Variants in SH2B2 observed in about 807,000 individuals in gnomAD.
SH2B2 encodes SH2B adaptor protein 2.
SH2B2 carries 37 observed loss-of-function variants against 35.7 expected under a neutral mutation model. The ratio of observed to expected loss-of-function variants is 1.04; its 90% confidence interval spans 0.80 to 1.36. The LOEUF (loss-of-function observed/expected upper bound fraction) is 1.36, where lower values mean the gene tolerates loss of function less well. Ranked by LOEUF, SH2B2 falls within the 40% of genes most tolerant of loss-of-function variation. The pLI is 0.00. For synonymous variants in SH2B2, 383 were observed against 376.4 expected, an observed-to-expected ratio of 1.02 and a Z score of -0.20; for missense variants, 852 against 817.7, an observed-to-expected ratio of 1.04 and a Z score of -0.51.
chr7:102,318,188 G>T (rs1164065941), intron 7 of SH2B2, among the ~76,000 whole-genome samples: 1 of 152,118 alleles, frequency 6.6e-6, no homozygotes, highest in African/African-American at 2.4e-5. Flanking sequence ...CTCCAGGCTG[G>T]ATTGCAACAT....
At chr7:102,292,285 C>G (rs1792701904) in intron 1 of SH2B2, among the ~76,000 whole-genome samples, 1 of 152,040 alleles carries the variant, frequency 6.6e-6, no homozygotes, top group Admixed American at 6.6e-5. Context: ...AATCCCAGCC[C>G]TTTGGGAAGC....
intron 6 of SH2B2, among the ~76,000 whole-genome samples, chr7:102,316,586 C>T (rs868925889): frequency 7.0e-6 from 1 of 142,872 alleles, no homozygotes; most frequent in East Asian, 2.1e-4. Context: ...GACTCTGTCT[C>T]AAACAAAAAA....
At chr7:102,303,931 C>T (rs1001273213) in intron 2 of SH2B2, among the ~76,000 whole-genome samples, 2 of 152,234 alleles carry the variant, frequency 1.3e-5, no homozygotes, top group Non-Finnish European at 1.5e-5. Context: ...CAGAGGGCAG[C>T]GTTCCTGCAG....
intron 2 of SH2B2, among the ~76,000 whole-genome samples, chr7:102,305,911 T>C (rs1331111273): frequency 1.4e-5 from 2 of 145,444 alleles, no homozygotes; most frequent in Non-Finnish European, 3.0e-5. Flanking sequence ...TTTTTTTTTT[T>C]TGAGGCATCG....
At chr7:102,314,824 C>G (rs1482105727) in intron 6 of SH2B2, 142 bp downstream of exon 6, 1 of 397,252 alleles carries the variant, frequency 2.5e-6, no homozygotes, top group South Asian at 1.4e-4. Context: ...CACACGTCTC[C>G]GAAGTACTTC....
intron 1 of SH2B2, among the ~76,000 whole-genome samples, chr7:102,291,191 G>A (rs781981334): frequency 1.3e-5 from 2 of 152,280 alleles, no homozygotes; most frequent in African/African-American, 2.4e-5. Flanking sequence ...CCCTGGGACT[G>A]AGGGTCTGCA....
chr7:102,311,596 G>A (rs527777897), intron 4 of SH2B2, among the ~76,000 whole-genome samples: 4 of 144,026 alleles, frequency 2.8e-5, no homozygotes, highest in South Asian at 2.2e-4. Flanking sequence ...GATCGGGATC[G>A]TGCTATGTTG....
intron 1 of SH2B2, among the ~76,000 whole-genome samples, chr7:102,300,317 A>G (rs1554553269): frequency 6.6e-6 from 1 of 152,168 alleles, no homozygotes; most frequent in Non-Finnish European, 1.5e-5. Flanking sequence ...GGCGTGGGCC[A>G]CCGCGCCCGG....
At position 102,317,343 on chromosome 7, in the gene SH2B2, A is replaced by C; in HGVS notation, c.1343A>C (p.Glu448Ala). 1 of 1,610,628 alleles carries C rather than the reference A, an allele frequency of 6.2e-7. No individual in the cohort carries two copies. The highest frequency in any genetic ancestry group is 8.5e-7 in the Non-Finnish European group (1 of 1,177,334). The change falls in exon 7 of 9, where the codon GAG (glutamate) becomes GCG (alanine). Residue 448 changes from glutamate (E) to alanine (A), a missense_variant. Glu to Ala is a moderately radical substitution (Grantham distance 107). Transcript: ENST00000444095. ...GGCCTCTTCGTGATCCGCCAAAGTG[A>C]GACTCGGCCTGGGGAGTACGTGCTG... Reference protein sequence around the residue: ...NHGLFVIRQSETRPGEYVLTF... With the variant: ...NHGLFVIRQSATRPGEYVLTF...
chr7:102,306,377 C>G (rs1297020159), intron 2 of SH2B2, among the ~76,000 whole-genome samples: 1 of 152,026 alleles, frequency 6.6e-6, no homozygotes, highest in East Asian at 1.9e-4. Flanking sequence ...GCGTGAGCCA[C>G]CGCACCCAGC....
rs371436019 is a variant in SH2B2, at chr7:102,320,352, G to A, written c.1417G>A (p.Gly473Ser). The A allele has an allele frequency of 9.3e-6, 15 of 1,611,988 alleles. No individual in the cohort carries two copies. Among genetic ancestry groups the A allele is most frequent in the Middle Eastern group, 1.6e-4 (1 of 6,080 alleles). The change falls in exon 8 of 9, where the codon GGC becomes AGC. Residue 473 changes from glycine (G) to serine (S), a missense_variant. By Grantham distance (56) the Gly-to-Ser change is moderately conservative. Transcript: ENST00000444095. The part of the protein sequence containing the change: ...KAKHLRLSLN[G>S]HGQCHVQHLW... ...ACAGCACCTGCGCCTGTCCCTGAAC[G>A]GCCACGGCCAGTGTCACGTACAGCA... is the stretch of plus-strand genomic sequence containing the variant.
intron 2 of SH2B2, among the ~76,000 whole-genome samples, chr7:102,305,893 C>CTTTTTTT (rs1292537190): frequency 1.9e-5 from 2 of 107,304 alleles, no homozygotes; most frequent in Non-Finnish European, 3.8e-5. Flanking sequence ...TTTTTTTTTT[C>CTTTTTTT]TTTTTTTTTT....
chr7:102,290,859 C>T (rs1202674545), intron 1 of SH2B2, among the ~76,000 whole-genome samples: 5 of 152,198 alleles, frequency 3.3e-5, no homozygotes, highest in Non-Finnish European at 7.3e-5. Flanking sequence ...AGCTGCCTGC[C>T]AAGAGCAGTT....
At chr7:102,294,685 C>T (rs1244973662) in intron 1 of SH2B2, among the ~76,000 whole-genome samples, 2 of 152,288 alleles carry the variant, frequency 1.3e-5, no homozygotes, top group East Asian at 1.9e-4. Context: ...GCACTCCTGC[C>T]CCTGCCACAG....
intron 1 of SH2B2, among the ~76,000 whole-genome samples, chr7:102,293,834 G>A (rs1395002349): frequency 6.6e-6 from 1 of 152,114 alleles, no homozygotes; most frequent in Non-Finnish European, 1.5e-5. Context: ...AAGAGACACA[G>A]GGCCCGGCCC....
At chr7:102,299,196 G>GTTTTTTTTTTTTTTTTTTT (rs1793046884) in intron 1 of SH2B2, among the ~76,000 whole-genome samples, 2 of 29,132 alleles carry the variant, frequency 6.9e-5, no homozygotes, top group Non-Finnish European at 1.2e-4. Flanking sequence ...ACCGCGCCTG[G>GTTTTTTTTTTTTTTTTTTT]CTTTTTTTTT....
intron 4 of SH2B2, chr7:102,309,355 CTTTTTTTTTTTT>C (rs35826295): frequency 1.6e-5 from 3 of 184,158 alleles, no homozygotes; most frequent in Non-Finnish European, 2.0e-5. Context: ...CTCTCTCTCT[CTTTTTTTTTTTT>C]TTTTTTTTTT....
At chr7:102,298,758 G>C (rs1586574622) in intron 1 of SH2B2, among the ~76,000 whole-genome samples, 1 of 152,040 alleles carries the variant, frequency 6.6e-6, no homozygotes, top group East Asian at 1.9e-4. Flanking sequence ...TGTAAAGACA[G>C]GCTTTTGCCA....
At chr7:102,311,751 A>G (rs1005235326) in intron 4 of SH2B2, among the ~76,000 whole-genome samples, 22 of 152,036 alleles carry the variant, frequency 1.4e-4, no homozygotes, top group Non-Finnish European at 1.9e-4. Context: ...TTTAACGTGT[A>G]TACATAGGAG....
Sources: gnomAD v4.1 joint callset for allele counts (sites outside exome capture counted in the v4.1 genomes callset) on GRCh38, gnomAD v4.1.1 for gene constraint, MANE v1.5 for transcripts, NCBI Gene and HGNC (gene_info 2026-07-23, HGNC 2026-07-21) for gene names.